The following OXR1 variants were observed in gnomAD, a reference collection of about 807,000 sequenced individuals.
OXR1 encodes oxidation resistance 1, also known as oxidation resistance protein 1.
A neutral mutation model predicts 104.6 loss-of-function variants in OXR1; 41 were observed. That is an observed-to-expected ratio of 0.39 (90% CI 0.31 to 0.51). OXR1 has a LOEUF of 0.51. OXR1 is among the 20% of genes least tolerant of loss of function. OXR1 has a pLI of 0.77. For synonymous variants in OXR1, 348 were observed against 348.4 expected, an observed-to-expected ratio of 1.00 and a Z score of 0.01; for missense variants, 955 against 1,031.9, an observed-to-expected ratio of 0.93 and a Z score of 1.02.
intron 3 of OXR1, chr8:106,522,598 A>G (rs553939265): frequency 1.3e-5 from 2 of 152,332 alleles, no homozygotes; most frequent in African/African-American, 4.8e-5. Context: ...GAATCTTCAG[A>G]TAAAAGGAAA....
At chr8:106,718,912 T>A (rs11993123) in intron 11 of OXR1, among the ~76,000 whole-genome samples, 2,869 of 152,176 alleles carry the variant, frequency 0.019, 97 homozygotes, top group African/African-American at 0.065. Flanking sequence ...AGCATGTTTT[T>A]AAACAATCAA....
At chr8:106,492,022 A>G (rs1477092664) in intron 2 of OXR1, among the ~76,000 whole-genome samples, 1 of 152,200 alleles carries the variant, frequency 6.6e-6, no homozygotes, top group Non-Finnish European at 1.5e-5. Flanking sequence ...AGAATTTTGT[A>G]TGGGGCCCCC....
chr8:106,502,553 A>AT (rs1811881793), intron 2 of OXR1, among the ~76,000 whole-genome samples: 2 of 152,106 alleles, frequency 1.3e-5, no homozygotes, highest in African/African-American at 4.8e-5. Flanking sequence ...TTGGGTTCTT[A>AT]TTTTTTAGCT....
intron 2 of OXR1, among the ~76,000 whole-genome samples, chr8:106,400,382 G>A (rs547932530): frequency 6.6e-6 from 1 of 152,154 alleles, no homozygotes; most frequent in South Asian, 2.1e-4. Flanking sequence ...ACTCCATTGG[G>A]TTTTGTTATT....
At position 106,707,154 on chromosome 8, in the gene OXR1, T is replaced by G; in HGVS notation, c.1624+9T>G. The G allele has an allele frequency of 1.9e-6, 3 of 1,610,864 alleles. No homozygotes were observed. Among genetic ancestry groups the G allele is most frequent in the Non-Finnish European group, 2.5e-6 (3 of 1,177,372 alleles). On this transcript the variant is annotated intron_variant, in intron 9 of 16. Transcript: ENST00000517566. The stretch of plus-strand genomic sequence containing the variant: ...TGATGGACACATAGAAAGTAAGTGT[T>G]ATAGAGTAAATGAAGTTAGTTCATC...
intron 1 of OXR1, among the ~76,000 whole-genome samples, chr8:106,329,891 CTTGTG>C (rs1216809619): frequency 4.6e-5 from 7 of 151,044 alleles, no homozygotes; most frequent in South Asian, 2.1e-4. Context: ...GCCTTGTAGA[CTTGTG>C]TTGTGAGAAC....
intron 2 of OXR1, among the ~76,000 whole-genome samples, chr8:106,420,494 A>G (rs1310537224): frequency 5.9e-5 from 9 of 152,100 alleles, no homozygotes; most frequent in African/African-American, 1.7e-4. Context: ...AAACATTGCT[A>G]TATGCAATCT....
intron 1 of OXR1, among the ~76,000 whole-genome samples, chr8:106,290,538 A>T (rs1476410241): frequency 6.6e-6 from 1 of 152,202 alleles, no homozygotes; most frequent in East Asian, 1.9e-4. Flanking sequence ...AAATATTCAC[A>T]AACTAAGCAT....
At chr8:106,713,230 A>G (rs1332724599) in intron 10 of OXR1, among the ~76,000 whole-genome samples, 1 of 151,982 alleles carries the variant, frequency 6.6e-6, no homozygotes, top group Non-Finnish European at 1.5e-5. Flanking sequence ...TAAAACGTAG[A>G]TATTTGAAAT....
intron 2 of OXR1, among the ~76,000 whole-genome samples, chr8:106,390,226 A>C (rs1817538820): frequency 6.6e-6 from 1 of 152,234 alleles, no homozygotes; most frequent in Non-Finnish European, 1.5e-5. Context: ...CTAAGGTTTT[A>C]TAGATTTATT....
chr8:106,553,657 G>C (rs566092786), intron 3 of OXR1, among the ~76,000 whole-genome samples: 6 of 152,002 alleles, frequency 3.9e-5, no homozygotes, highest in Non-Finnish European at 8.8e-5. Context: ...TCCAGTATTA[G>C]ATTTTAAAAA....
intron 3 of OXR1, among the ~76,000 whole-genome samples, chr8:106,527,281 T>TGAAGCAC (rs1319714121): frequency 6.6e-6 from 1 of 152,156 alleles, no homozygotes; most frequent in Non-Finnish European, 1.5e-5. Context: ...AGAGTATGAA[T>TGAAGCAC]GAAGCACCAT....
chr8:106,596,191 A>G (rs1819514390), intron 3 of OXR1, among the ~76,000 whole-genome samples: 1 of 152,104 alleles, frequency 6.6e-6, no homozygotes, highest in South Asian at 2.1e-4. Flanking sequence ...CACATCTACA[A>G]TCCCCACACT....
At chr8:106,277,649 T>C (rs1008511577) in intron 1 of OXR1, among the ~76,000 whole-genome samples, 3 of 152,254 alleles carry the variant, frequency 2.0e-5, no homozygotes, top group African/African-American at 7.2e-5. Context: ...CCAGTTGCAC[T>C]GCAGTTTCCA....
At chr8:106,545,108 G>T (rs7010840) in intron 3 of OXR1, among the ~76,000 whole-genome samples, 1 of 151,878 alleles carries the variant, frequency 6.6e-6, no homozygotes, top group African/African-American at 2.4e-5. Flanking sequence ...CAACAGCACT[G>T]CTCCCAGTTG....
intron 2 of OXR1, among the ~76,000 whole-genome samples, chr8:106,418,744 C>T (rs956667405): frequency 9.2e-5 from 14 of 152,136 alleles, no homozygotes; most frequent in Non-Finnish European, 1.9e-4. Flanking sequence ...GATAGTTCAG[C>T]GCCACTTTGA....
intron 3 of OXR1, among the ~76,000 whole-genome samples, chr8:106,669,450 G>T (rs1826698821): frequency 1.3e-5 from 2 of 152,134 alleles, no homozygotes; most frequent in South Asian, 2.1e-4. Context: ...TTTTGTTTTT[G>T]TTTTGATCGT....
At chr8:106,693,653 A>C (rs1205756954) in intron 7 of OXR1, among the ~76,000 whole-genome samples, 1 of 151,260 alleles carries the variant, frequency 6.6e-6, no homozygotes, top group Non-Finnish European at 1.5e-5. Flanking sequence ...CTGGTCTTAA[A>C]CTCCTAACCT....
In OXR1 at chr8:106,572,466, A is replaced by C. The variant is rs191248764; in HGVS notation, c.220+53327A>C. ...ATCTTCCAAATATCCAAGCTCTTGC[A>C]TCTATGCTTAAAAATTGCTTCTACA... On this transcript the variant is annotated intron_variant, in intron 3 of 16. Coordinates refer to ENST00000517566, the MANE Select transcript of OXR1 (RefSeq NM_001198533.2). Among the ~76,000 whole-genome samples the C allele has an allele frequency of 4.7e-3, 717 of 152,346 alleles. 4 individuals are homozygous for C. Among genetic ancestry groups the C allele is most frequent in the South Asian group, 0.013 (61 of 4,834 alleles).
Sources: allele counts gnomAD v4.1 joint callset (sites outside exome capture counted in the v4.1 genomes callset), GRCh38; gene constraint gnomAD v4.1.1; transcripts MANE v1.5; gene names NCBI Gene and HGNC (gene_info 2026-07-23, HGNC 2026-07-21).